SHB: variants seen among roughly 807,000 people sequenced by gnomAD.
The protein encoded by SHB is SH2 domain containing adaptor protein B.
In SHB, 20 loss-of-function variants were observed where a neutral mutation model predicts 52.3. The ratio of observed to expected loss-of-function variants is 0.38; its 90% CI spans 0.27 to 0.56. The LOEUF (loss-of-function observed/expected upper bound fraction) is 0.56. Among genes scored for constraint, SHB ranks in the 20% least tolerant of loss-of-function variants. The pLI, the probability that SHB is intolerant of heterozygous loss-of-function variation, is 0.71. For missense variants in SHB, 825 were observed against 723.3 expected, an observed-to-expected ratio of 1.14 and a Z score of -1.61; for synonymous variants, 397 against 316.5, an observed-to-expected ratio of 1.25 and a Z score of -2.70.
chr9:37,996,482 G>A (rs987621499), intron 2 of SHB, among the ~76,000 whole-genome samples: 7 of 152,220 alleles, frequency 4.6e-5, no homozygotes, highest in African/African-American at 9.6e-5. Flanking sequence ...GGAGCCCAGA[G>A]CCTAAATAAA....
At chr9:38,043,610 C>G (rs959789750) in intron 1 of SHB, among the ~76,000 whole-genome samples, 1 of 152,184 alleles carries the variant, frequency 6.6e-6, no homozygotes, top group South Asian at 2.1e-4. Context: ...TCCACCCTGG[C>G]CGGGTGCAGT....
At chr9:37,941,210 GAC>G (rs1242613116) in intron 5 of SHB, among the ~76,000 whole-genome samples, 3 of 152,162 alleles carry the variant, frequency 2.0e-5, no homozygotes, top group African/African-American at 4.8e-5. Flanking sequence ...AATGCACTGG[GAC>G]ACACCGAGCT....
chr9:37,928,184 G>A (rs1049863789), intron 5 of SHB, among the ~76,000 whole-genome samples: 7 of 152,194 alleles, frequency 4.6e-5, no homozygotes, highest in African/African-American at 9.6e-5. Context: ...AGTCAGTGAC[G>A]GACATGCCAG....
rs1028079497 is a variant in SHB at position 37,918,122 on chromosome 9, G to A, written c.*1699C>T. 3.3e-5 allele frequency among the ~76,000 whole-genome samples: 5 copies of A among 152,184 alleles called. No homozygotes were observed. The highest frequency in any genetic ancestry group is 1.2e-4 in the African/African-American group (5 of 41,436). ...GAACCTGCTGATGACATTCAAACTC[G>A]GCCCCTTGTGCTCTGCCCAGGTGGG... On this transcript the variant is annotated 3_prime_UTR_variant, in exon 6 of 6. Coordinates refer to ENST00000377707, the MANE Select transcript of SHB (RefSeq NM_003028.3).
intron 2 of SHB, among the ~76,000 whole-genome samples, chr9:38,000,735 C>A (rs1350026144): frequency 6.6e-6 from 1 of 152,220 alleles, no homozygotes; most frequent in Non-Finnish European, 1.5e-5. Context: ...TCGGAAGCCC[C>A]TCAAGGCTGA....
intron 3 of SHB, among the ~76,000 whole-genome samples, chr9:37,957,775 GACAA>G (rs1216789837): frequency 6.6e-6 from 1 of 152,230 alleles, no homozygotes; most frequent in East Asian, 1.9e-4. Context: ...AGTGGCTGGG[GACAA>G]GTGCCACTGA....
chr9:37,970,946 C>T (rs10973626), intron 3 of SHB, among the ~76,000 whole-genome samples: 1 of 152,126 alleles, frequency 6.6e-6, no homozygotes, highest in Non-Finnish European at 1.5e-5. Context: ...CAGGCCAAAT[C>T]TGCACAATCA....
chr9:37,969,322 C>A (rs1395472346), intron 3 of SHB, among the ~76,000 whole-genome samples: 5 of 152,118 alleles, frequency 3.3e-5, no homozygotes, highest in African/African-American at 1.2e-4. Context: ...GGCCCCCAGC[C>A]AAGTTATTTC....
chr9:37,926,827 T>G (rs959071898), intron 5 of SHB, among the ~76,000 whole-genome samples: 5 of 152,126 alleles, frequency 3.3e-5, no homozygotes, highest in African/African-American at 1.2e-4. Context: ...CCCAACACTG[T>G]GAGAGATGTG....
intron 2 of SHB, among the ~76,000 whole-genome samples, chr9:38,003,765 C>A (rs971801986): frequency 3.9e-5 from 6 of 152,232 alleles, no homozygotes; most frequent in African/African-American, 1.2e-4. Context: ...TCAGCACTAA[C>A]CCTTCCCCCA....
chr9:37,959,644 A>AAAAGC (rs1832672930), intron 3 of SHB, among the ~76,000 whole-genome samples: 1 of 152,182 alleles, frequency 6.6e-6, no homozygotes, highest in Non-Finnish European at 1.5e-5. Context: ...ACAGAACATG[A>AAAAGC]TTGTGGAGGG....
intron 4 of SHB, among the ~76,000 whole-genome samples, chr9:37,952,937 T>A (rs1194538149): frequency 1.3e-5 from 2 of 151,638 alleles, no homozygotes; most frequent in Non-Finnish European, 2.9e-5. Context: ...CTGGGAGAGG[T>A]GTGGGCTGAT....
At chr9:38,003,853 G>A (rs1478871142) in intron 2 of SHB, among the ~76,000 whole-genome samples, 1 of 152,244 alleles carries the variant, frequency 6.6e-6, no homozygotes, top group Non-Finnish European at 1.5e-5. Context: ...TCCTAGAAGA[G>A]GTCAAGGAAG....
At chr9:38,031,055 C>T (rs1821406101) in intron 1 of SHB, among the ~76,000 whole-genome samples, 1 of 152,226 alleles carries the variant, frequency 6.6e-6, no homozygotes, top group South Asian at 2.1e-4. Context: ...GGCATGGTGG[C>T]TCATGCCTTT....
intron 1 of SHB, among the ~76,000 whole-genome samples, chr9:38,053,103 G>A (rs549709506): frequency 1.6e-3 from 53 of 32,302 alleles, no homozygotes; most frequent in Non-Finnish European, 4.2e-4. Flanking sequence ...GAGCTGACCC[G>A]TCACTGTCCC....
intron 2 of SHB, among the ~76,000 whole-genome samples, chr9:37,977,581 G>C (rs1820670618): frequency 6.6e-6 from 1 of 152,210 alleles, no homozygotes; most frequent in Non-Finnish European, 1.5e-5. Context: ...AACAGGAAAA[G>C]AGAAGGGAAA....
At chr9:37,969,358 T>A (rs1204013813) in intron 3 of SHB, among the ~76,000 whole-genome samples, 3 of 152,106 alleles carry the variant, frequency 2.0e-5, no homozygotes, top group African/African-American at 7.2e-5. Context: ...AGCTTCCTTA[T>A]CTGTAAAAGG....
In SHB at chr9:37,962,881, T is replaced by C. The variant is rs1832708959; in HGVS notation, c.1055-6827A>G. On this transcript the variant is annotated intron_variant, in intron 3 of 5. Coordinates refer to ENST00000377707, the MANE Select transcript of SHB (RefSeq NM_003028.3). Reference sequence around the variant, plus strand: ...CATGGGGGACTTAAAGTCCACGTTCTCCTCTAGTTGTTGTGGCAAACCTAT... The same window carrying C: ...CATGGGGGACTTAAAGTCCACGTTCCCCTCTAGTTGTTGTGGCAAACCTAT... 2.6e-5 allele frequency among the ~76,000 whole-genome samples: 4 copies of C among 152,336 alleles called. No individual in the cohort carries two copies. The South Asian group carries it at 8.3e-4, about 32-fold the overall frequency.
chr9:37,982,976 C>CCCCCA (rs1554702676), intron 2 of SHB, among the ~76,000 whole-genome samples: 3 of 150,750 alleles, frequency 2.0e-5, no homozygotes, highest in African/African-American at 7.3e-5. Context: ...CTCTGGTGCC[C>CCCCCA]CCCCCTCCAT....
Sources: gnomAD v4.1 joint callset for allele counts (sites outside exome capture counted in the v4.1 genomes callset) on GRCh38, gnomAD v4.1.1 for gene constraint, MANE v1.5 for transcripts, NCBI Gene and HGNC (gene_info 2026-07-23, HGNC 2026-07-21) for gene names.